Variants in NIBAN1 observed in about 807,000 individuals in gnomAD.
NIBAN1 encodes the protein protein Niban 1.
NIBAN1 carries 81 observed loss-of-function variants against 75.1 expected under a neutral mutation model. The observed-to-expected ratio is 1.08, with a 90% CI of 0.90 to 1.30. The LOEUF (loss-of-function observed/expected upper bound fraction) is 1.30. NIBAN1 is among the 50% of genes most tolerant of loss of function. The pLI is 0.00. For missense variants in NIBAN1, 1,133 were observed against 1,128.1 expected (o/e 1.00, Z -0.06); for synonymous variants, 436 against 424.8 (o/e 1.03, Z -0.32).
At chr1:184,905,449 G>A (rs1657068273) in intron 1 of NIBAN1, among the ~76,000 whole-genome samples, 1 of 152,088 alleles carries the variant, frequency 6.6e-6, no homozygotes, top group Non-Finnish European at 1.5e-5. Context: ...AATCTTCAAT[G>A]TTTCCCTATT....
intron 5 of NIBAN1, among the ~76,000 whole-genome samples, chr1:184,859,820 G>T (rs1206920999): frequency 2.6e-5 from 4 of 152,150 alleles, no homozygotes; most frequent in South Asian, 4.1e-4. Context: ...GAAGGGCTGG[G>T]TGGGGGTTTC....
chr1:184,811,684 G>A (rs1654384803), intron 9 of NIBAN1, among the ~76,000 whole-genome samples: 1 of 151,974 alleles, frequency 6.6e-6, no homozygotes, highest in African/African-American at 2.4e-5. Context: ...AGTAGAGACA[G>A]GGTTTCACCA....
Position 184,882,465 on chromosome 1 carries a change from G to C in NIBAN1, c.601+2168C>G, listed in dbSNP as rs541865878. Reference sequence around the variant, plus strand: ...CTTCTGGTTCTGACTGGAGCTACTGGAAGTTATGCCAAATTAAGTCCACAT... The same window carrying C: ...CTTCTGGTTCTGACTGGAGCTACTGCAAGTTATGCCAAATTAAGTCCACAT... On this transcript the variant is annotated intron_variant, in intron 5 of 13. Transcript: ENST00000367511. Among the ~76,000 whole-genome samples, 4 of 152,306 alleles carry C rather than the reference G, an allele frequency of 2.6e-5. No homozygotes were observed. The South Asian group carries it at 8.3e-4, about 32-fold the overall frequency.
At chr1:184,845,030 G>A (rs1052424368) in intron 5 of NIBAN1, among the ~76,000 whole-genome samples, 1 of 152,204 alleles carries the variant, frequency 6.6e-6, no homozygotes, top group Non-Finnish European at 1.5e-5. Flanking sequence ...ATTACAAGAA[G>A]AACCAGTACC....
chr1:184,818,619 C>A lies in NIBAN1; in HGVS notation c.1173+19G>T. 1 of 1,560,728 alleles carries A rather than the reference C, an allele frequency of 6.4e-7. No individual in the cohort carries two copies. The highest frequency in any genetic ancestry group is 1.2e-5 in the South Asian group (1 of 84,780). ...CCAGGCAGACCATTCACACCCAGCT[C>A]CTCAGCTTTGTATCCTACCTCCTTT... is the stretch of plus-strand genomic sequence containing the variant. On this transcript the variant is annotated intron_variant, in intron 9 of 13. Coordinates refer to ENST00000367511, the MANE Select transcript of NIBAN1 (RefSeq NM_052966.4).
chr1:184,815,221 A>G (rs1263071138), intron 9 of NIBAN1, among the ~76,000 whole-genome samples: 1 of 152,196 alleles, frequency 6.6e-6, no homozygotes, highest in Admixed American at 6.5e-5. Context: ...GTAGATTATT[A>G]TGCTACAATG....
At chr1:184,827,574 T>TTTTTTTTTC (rs1553217806) in intron 6 of NIBAN1, among the ~76,000 whole-genome samples, 7 of 150,878 alleles carry the variant, frequency 4.6e-5, no homozygotes, top group Non-Finnish European at 1.0e-4. Flanking sequence ...TTTTTTTTTT[T>TTTTTTTTTC]AATGGGGGGT....
intron 10 of NIBAN1, among the ~76,000 whole-genome samples, chr1:184,807,145 A>C (rs1023211233): frequency 5.6e-4 from 86 of 152,234 alleles, no homozygotes; most frequent in African/African-American, 1.9e-3. Flanking sequence ...AGCTCCCTGA[A>C]GTGGGATCTG....
At chr1:184,899,738 G>C (rs936611627) in intron 1 of NIBAN1, among the ~76,000 whole-genome samples, 5 of 149,706 alleles carry the variant, frequency 3.3e-5, no homozygotes, top group African/African-American at 4.9e-5. Flanking sequence ...TCGACCTCCA[G>C]TCATTCAGCT....
rs773860554 is a variant in NIBAN1, at chr1:184,803,678, G to C, written c.1461C>G (p.Asp487Glu). 7.4e-6 allele frequency: 12 copies of C among 1,613,856 alleles called. No individual in the cohort carries two copies. The highest frequency in any genetic ancestry group is 1.1e-5 in the South Asian group (1 of 91,086). Residue 487 changes from aspartate to glutamate, a missense_variant, in exon 12 of 14, where the codon GAC becomes GAG. Coordinates refer to ENST00000367511, the MANE Select transcript of NIBAN1 (RefSeq NM_052966.4). ...ATATCTTCTTTCGGATGGTGCTGCT[G>C]TCATAATCATATTGCTGTCAATAAA... ...KLRVLKQYDY[D>E]SSTIRKKIFQ...
At chr1:184,910,876 G>C (rs1053630559) in intron 1 of NIBAN1, among the ~76,000 whole-genome samples, 11 of 152,164 alleles carry the variant, frequency 7.2e-5, no homozygotes, top group Non-Finnish European at 1.5e-4. Context: ...TGAATCCCTT[G>C]AGTTTGGACA....
chr1:184,832,737 C>A (rs1655032175), intron 5 of NIBAN1, among the ~76,000 whole-genome samples: 2 of 152,042 alleles, frequency 1.3e-5, no homozygotes, highest in African/African-American at 2.4e-5. Context: ...TAAATGGTGT[C>A]ATATCTGAGA....
chr1:184,948,400 G>A (rs1186312132), intron 1 of NIBAN1, among the ~76,000 whole-genome samples: 3 of 152,198 alleles, frequency 2.0e-5, no homozygotes, highest in Non-Finnish European at 4.4e-5. Flanking sequence ...CAGGAGTCCA[G>A]ACTAGTTACT....
chr1:184,943,933 CA>C (rs1276281901), intron 1 of NIBAN1, among the ~76,000 whole-genome samples: 1 of 152,076 alleles, frequency 6.6e-6, no homozygotes, highest in Non-Finnish European at 1.5e-5. Context: ...AAGCTTATCA[CA>C]AAAACAGGGT....
chr1:184,823,022 C>T (rs1654745676), intron 8 of NIBAN1, 145 bp downstream of exon 8: 4 of 942,082 alleles, frequency 4.2e-6, no homozygotes, highest in East Asian at 2.6e-5. Flanking sequence ...ATGGTACCTC[C>T]AGCATGTTCC....
chr1:184,867,883 T>C (rs143603039), intron 5 of NIBAN1: 1 of 985,448 alleles, frequency 1.0e-6, no homozygotes, highest in African/African-American at 1.7e-5. Flanking sequence ...GGCTCTTTTG[T>C]TCCAGCTTTT....
Position 184,805,996 on chromosome 1 carries a change from C to T in NIBAN1, c.1396G>A (p.Ala466Thr), listed in dbSNP as rs970596769. ...TCAATGGCAACTGCAGTTTTGGAGG[C>T]CTCTCCTTGGAGATGTGGGGAAAGC... ...QLLSPHLQGE[A>T]SKTAVAIEKV... is the part of the protein sequence containing the mutation. Residue 466 changes from alanine (A) to threonine (T), a missense_variant, in exon 11 of 14, where the codon GCC (alanine) becomes ACC (threonine). Transcript: ENST00000367511. 2.5e-6 allele frequency: 4 copies of T among 1,614,202 alleles called. No homozygotes were observed. The highest frequency in any genetic ancestry group is 2.2e-5 in the East Asian group (1 of 44,894).
chr1:184,893,840 A>T (rs1280478517), intron 3 of NIBAN1, among the ~76,000 whole-genome samples: 1 of 152,244 alleles, frequency 6.6e-6, no homozygotes, highest in East Asian at 1.9e-4. Context: ...CAACTGCTGT[A>T]TACCCAGAAC....
chr1:184,875,109 T>C (rs980033680), intron 5 of NIBAN1, among the ~76,000 whole-genome samples: 4 of 152,170 alleles, frequency 2.6e-5, no homozygotes, highest in African/African-American at 9.7e-5. Flanking sequence ...AGAAAATATT[T>C]AAATCCAAAT....
Sources: allele counts gnomAD v4.1 joint callset (sites outside exome capture counted in the v4.1 genomes callset), GRCh38; gene constraint gnomAD v4.1.1; transcripts MANE v1.5; gene names NCBI Gene and HGNC (gene_info 2026-07-23, HGNC 2026-07-21).